The following ANO3 variants were observed in gnomAD, a reference collection of about 807,000 sequenced individuals.
ANO3 encodes the protein anoctamin-3.
In ANO3, 99 loss-of-function variants were observed where a neutral mutation model predicts 144.8. The observed-to-expected ratio is 0.68, with a 90% CI of 0.58 to 0.81. The LOEUF (loss-of-function observed/expected upper bound fraction) is 0.81, where lower values mean the gene tolerates loss of function less well. Ranked by LOEUF, ANO3 falls within the 30% of genes least tolerant of loss-of-function variation. The probability of loss-of-function intolerance (pLI) is 0.00; values close to 1 mark genes in which losing one functional copy is unlikely to be tolerated. For synonymous variants in ANO3, 414 were observed against 392.6 expected, an observed-to-expected ratio of 1.05 and a Z score of -0.64; for missense variants, 905 against 1,202.2, an observed-to-expected ratio of 0.75 and a Z score of 3.66.
chr11:26,407,007 GGTGTGTA>G (rs1857297039), intron 1 of ANO3, among the ~76,000 whole-genome samples: 1 of 126,616 alleles, frequency 7.9e-6, no homozygotes, highest in Admixed American at 8.4e-5. Context: ...TATATATATA[GGTGTGTA>G]TATATATATA....
chr11:26,656,546 C>A, intron 26 of ANO3, 65 bp downstream of exon 26: 1 of 1,102,028 alleles, frequency 9.1e-7, no homozygotes. Flanking sequence ...TTATCAGTTG[C>A]CTCTTTGAAA....
intron 1 of ANO3, among the ~76,000 whole-genome samples, chr11:26,441,342 C>T (rs957281496): frequency 1.3e-5 from 2 of 151,410 alleles, no homozygotes; most frequent in Non-Finnish European, 2.9e-5. Context: ...TGGTCTCGAT[C>T]TCCTGACCTT....
At position 26,553,230 on chromosome 11, in the gene ANO3, G is replaced by GTTTT; in HGVS notation, c.1290-17_1290-14dup. The GTTTT allele has an allele frequency of 8.4e-7, 1 of 1,197,224 alleles. No homozygotes were observed. The allele number at this position is 1,197,224 out of a possible 1,614,324, so 74.2% of individuals were successfully genotyped here. ...TCATGCTATGTTTTGTTTTGTTTTT[G>GTTTT]TTTTTGTTTTTTCTCAAGCCAAGAA... On this transcript the variant is annotated intron_variant, in intron 12 of 26. Transcript: ENST00000256737.
chr11:26,316,863 T>C (rs1223321541), intron 1 of ANO3, among the ~76,000 whole-genome samples: 4 of 152,184 alleles, frequency 2.6e-5, no homozygotes, highest in African/African-American at 9.7e-5. Flanking sequence ...TCACGCAGTG[T>C]TGGCTCATTC....
chr11:26,313,314 G>T (rs1854544150), intron 1 of ANO3, among the ~76,000 whole-genome samples: 1 of 152,132 alleles, frequency 6.6e-6, no homozygotes, highest in African/African-American at 2.4e-5. Context: ...AAGAACATTG[G>T]ATTCAAAATT....
chr11:26,483,539 C>G (rs1225862065), intron 4 of ANO3, among the ~76,000 whole-genome samples: 1 of 152,144 alleles, frequency 6.6e-6, no homozygotes, highest in African/African-American at 2.4e-5. Flanking sequence ...AGACATGCTG[C>G]CTTCCTCTTT....
intron 1 of ANO3, among the ~76,000 whole-genome samples, chr11:26,391,340 T>A (rs1856873659): frequency 6.6e-6 from 1 of 152,012 alleles, no homozygotes; most frequent in Non-Finnish European, 1.5e-5. Flanking sequence ...AACCCACTAA[T>A]CCATTAATCC....
chr11:26,415,511 G>A (rs1857558997), intron 1 of ANO3, among the ~76,000 whole-genome samples: 1 of 152,050 alleles, frequency 6.6e-6, no homozygotes, highest in African/African-American at 2.4e-5. Context: ...TGCTAATAGA[G>A]ACAAAACAGC....
intron 1 of ANO3, among the ~76,000 whole-genome samples, chr11:26,315,663 A>ATCTG (rs1478335962): frequency 1.0e-4 from 14 of 137,732 alleles, no homozygotes; most frequent in Admixed American, 9.7e-4. Context: ...CTGTCTGTCT[A>ATCTG]TCTATCTATC....
At chr11:26,547,174 T>G (rs1849810463) in intron 11 of ANO3, among the ~76,000 whole-genome samples, 1 of 151,832 alleles carries the variant, frequency 6.6e-6, no homozygotes, top group Non-Finnish European at 1.5e-5. Context: ...TGTTAAGAAG[T>G]ATGGCATATA....
chr11:26,432,209 C>T (rs4339995), intron 1 of ANO3, among the ~76,000 whole-genome samples: 49,808 of 151,904 alleles, frequency 0.33, 9,483 homozygotes, highest in African/African-American at 0.54. Flanking sequence ...TATATCTTCT[C>T]TTGAAGAGTG....
intron 4 of ANO3, among the ~76,000 whole-genome samples, chr11:26,480,119 C>G (rs934823408): frequency 6.6e-6 from 1 of 152,160 alleles, no homozygotes; most frequent in South Asian, 2.1e-4. Context: ...AGTCTGAGGA[C>G]AGTAGGGATT....
chr11:26,258,885 G>C (rs933212088), intron 1 of ANO3, among the ~76,000 whole-genome samples: 1 of 152,108 alleles, frequency 6.6e-6, no homozygotes, highest in Non-Finnish European at 1.5e-5. Context: ...CTTTAAATAG[G>C]TAGACACATC....
intron 18 of ANO3, among the ~76,000 whole-genome samples, chr11:26,628,118 G>A (rs991783384): frequency 6.7e-4 from 102 of 152,008 alleles, no homozygotes; most frequent in African/African-American, 2.3e-3. Flanking sequence ...TTGAACTTTG[G>A]TTTCCTGGTT....
chr11:26,598,674 T>C (rs140890794), intron 15 of ANO3, among the ~76,000 whole-genome samples, 184 bp from the exon 16 acceptor site: 241 of 152,362 alleles, frequency 1.6e-3, no homozygotes, highest in Middle Eastern at 3.4e-3. Flanking sequence ...TGGAAAATTA[T>C]GCTAATTTCA....
intron 17 of ANO3, among the ~76,000 whole-genome samples, chr11:26,615,414 A>ATTTTTT (rs66840659): frequency 3.1e-5 from 4 of 130,698 alleles, no homozygotes; most frequent in African/African-American, 8.9e-5. Context: ...ATATATATAT[A>ATTTTTT]TTTTTTTTTT....
rs375025016 is a variant in ANO3, at chr11:26,570,313, C to G, written c.1447+10534C>G. On this transcript the variant is annotated intron_variant, in intron 14 of 26. Transcript: ENST00000256737. ...GGCTGCAGAAAGTGATGAGAAAAAA[C>G]AAAAACAAAAAACACCTCTGGCCAG... Among the ~76,000 whole-genome samples, 4 of 151,946 alleles carry G rather than the reference C, an allele frequency of 2.6e-5. No homozygotes were observed. The East Asian group carries it at 7.8e-4, about 30-fold the overall frequency.
intron 1 of ANO3, among the ~76,000 whole-genome samples, chr11:26,423,309 C>CTTTT (rs142064982): frequency 0.3 from 39,764 of 134,624 alleles, 6,413 homozygotes; most frequent in Non-Finnish European, 0.35. Flanking sequence ...TACCTTTATA[C>CTTTT]TTTTTTTTTT....
intron 1 of ANO3, among the ~76,000 whole-genome samples, chr11:26,388,259 G>C (rs1392530698): frequency 6.6e-6 from 1 of 151,562 alleles, no homozygotes; most frequent in East Asian, 1.9e-4. Flanking sequence ...TACTTTAGTA[G>C]ATGAACCCTT....
Sources: gnomAD v4.1 joint callset for allele counts (sites outside exome capture counted in the v4.1 genomes callset) on GRCh38, gnomAD v4.1.1 for gene constraint, MANE v1.5 for transcripts, NCBI Gene and HGNC (gene_info 2026-07-23, HGNC 2026-07-21) for gene names.